ST8SIA4: variants seen among roughly 807,000 people sequenced by gnomAD.
The protein encoded by ST8SIA4 is CMP-N-acetylneuraminate-poly-alpha-2,8-sialyltransferase.
Under a neutral mutation model 33.9 loss-of-function variants are expected in ST8SIA4, and 15 were observed. The observed-to-expected ratio is 0.44, with a 90% CI of 0.30 to 0.68. The LOEUF is 0.68. ST8SIA4 is among the 30% of genes least tolerant of loss of function. The pLI, the probability that ST8SIA4 is intolerant of heterozygous loss-of-function variation, is 0.10. For synonymous variants in ST8SIA4, 171 were observed against 151.2 expected, an observed-to-expected ratio of 1.13 and a Z score of -0.96; for missense variants, 321 against 428.0, an observed-to-expected ratio of 0.75 and a Z score of 2.21.
intron 3 of ST8SIA4, among the ~76,000 whole-genome samples, chr5:100,883,458 G>A (rs1752472177): frequency 6.6e-6 from 1 of 152,128 alleles, no homozygotes; most frequent in South Asian, 2.1e-4. Flanking sequence ...ACGGAACTTT[G>A]AACTGTGGAC....
chr5:100,816,496 C>T (rs746756260), intron 4 of ST8SIA4: 2 of 526,122 alleles, frequency 3.8e-6, no homozygotes, highest in Non-Finnish European at 7.8e-6. Flanking sequence ...TACATTGGTG[C>T]AAAAGTAACT....
chr5:100,881,056 T>C (rs753117589), intron 3 of ST8SIA4, among the ~76,000 whole-genome samples: 81 of 152,236 alleles, frequency 5.3e-4, no homozygotes, highest in Non-Finnish European at 7.6e-4. Context: ...TTCTCCACTC[T>C]AAAATTTCTG....
rs79941039 is a variant in ST8SIA4 at position 100,900,303 on chromosome 5, T to C, written c.113+2540A>G. 1,404 of 411,638 alleles carry C rather than the reference T, an allele frequency of 3.4e-3. 10 individuals carry two copies. Among genetic ancestry groups the C allele is most frequent in the African/African-American group, 0.017 (823 of 48,964 alleles). The allele number at this position is 411,638 out of a possible 1,614,324, so 25.5% of individuals were successfully genotyped here. A position where few individuals can be genotyped will look rare whatever the true frequency, so the allele number is the denominator to read the frequency against. On this transcript the variant is annotated intron_variant, in intron 1 of 4. Transcript: ENST00000231461. ...GCAGTGCCCCCCAAAGGCCAGAGAC[T>C]GCCTTGGTTACCTCACTTGAATACT...
chr5:100,848,359 A>G (rs972696949), intron 4 of ST8SIA4, among the ~76,000 whole-genome samples: 1 of 150,588 alleles, frequency 6.6e-6, no homozygotes, highest in Non-Finnish European at 1.5e-5. Flanking sequence ...ATACTATTAC[A>G]TATTATATAA....
intron 4 of ST8SIA4, among the ~76,000 whole-genome samples, chr5:100,825,060 A>T (rs1751112743): frequency 6.6e-6 from 1 of 152,102 alleles, no homozygotes; most frequent in South Asian, 2.1e-4. Flanking sequence ...GACTATCTCT[A>T]AAAAAGTAAT....
intron 4 of ST8SIA4, among the ~76,000 whole-genome samples, chr5:100,838,543 A>C (rs1413969013): frequency 1.3e-5 from 2 of 151,994 alleles, no homozygotes. Context: ...CAGAAGTAAT[A>C]TGTAAATTAT....
At chr5:100,836,676 C>G (rs575368091) in intron 4 of ST8SIA4, among the ~76,000 whole-genome samples, 17 of 152,118 alleles carry the variant, frequency 1.1e-4, no homozygotes, top group African/African-American at 4.1e-4. Flanking sequence ...TCATAACTCC[C>G]AGGTGGACAA....
intron 3 of ST8SIA4, among the ~76,000 whole-genome samples, chr5:100,859,982 A>G (rs964906372): frequency 6.6e-6 from 1 of 152,148 alleles, no homozygotes; most frequent in African/African-American, 2.4e-5. Flanking sequence ...CAATGACATA[A>G]TCTATCCAAT....
At chr5:100,836,400 T>G (rs1014697048) in intron 4 of ST8SIA4, among the ~76,000 whole-genome samples, 1 of 152,002 alleles carries the variant, frequency 6.6e-6, no homozygotes, top group African/African-American at 2.4e-5. Context: ...GTATTACTAT[T>G]AATTTGGCCA....
intron 4 of ST8SIA4, among the ~76,000 whole-genome samples, chr5:100,829,243 C>G (rs1355243671): frequency 6.6e-6 from 1 of 152,172 alleles, no homozygotes; most frequent in East Asian, 1.9e-4. Flanking sequence ...TTCCCCAGCA[C>G]TGTCTCTCTC....
chr5:100,869,525 T>A (rs1002387927), intron 3 of ST8SIA4, among the ~76,000 whole-genome samples: 2 of 152,176 alleles, frequency 1.3e-5, no homozygotes, highest in Admixed American at 6.5e-5. Context: ...TCTTCCTCAC[T>A]TAGGGTGCCT....
intron 3 of ST8SIA4, among the ~76,000 whole-genome samples, chr5:100,870,341 A>T (rs1752172216): frequency 6.6e-6 from 1 of 152,142 alleles, no homozygotes; most frequent in African/African-American, 2.4e-5. Context: ...TACTGGTCCC[A>T]TTGCTTCAGA....
chr5:100,810,139 A>G lies in ST8SIA4; in HGVS notation c.*1708T>C, dbSNP rs1160433049. 8 of 152,226 alleles carry G rather than the reference A, an allele frequency of 5.3e-5. 1 individual carries two copies. The East Asian group carries it at 1.5e-3, about 29-fold the overall frequency. 9.4% of individuals were successfully genotyped at this position (152,226 alleles called of 1,614,324 possible). A position where few individuals can be genotyped will look rare whatever the true frequency, so the allele number is the denominator to read the frequency against. On this transcript the variant is annotated 3_prime_UTR_variant, in exon 5 of 5. Coordinates refer to ENST00000231461, the MANE Select transcript of ST8SIA4 (RefSeq NM_005668.6). ...CTTCTGCCCAGTTTCTAAAGAAACA[A>G]TCTACTATCATAAGTTACCAGAAAA...
intron 4 of ST8SIA4, among the ~76,000 whole-genome samples, chr5:100,826,956 GTA>G (rs1389265251): frequency 2.3e-5 from 3 of 132,724 alleles, no homozygotes; most frequent in African/African-American, 5.4e-5. Flanking sequence ...ATATGTGTGT[GTA>G]TATACACACA....
At position 100,811,724 on chromosome 5, in the gene ST8SIA4, T is replaced by C. The variant is rs1750820315; in HGVS notation, c.*123A>G. ...GCTGGTAGTCGATTTCTCATGAACG[T>C]CCTTTATTCACCTTTCAGTTCATTG... is the stretch of plus-strand genomic sequence containing the variant. On this transcript the variant is annotated 3_prime_UTR_variant, in exon 5 of 5. Transcript: ENST00000231461. 2.1e-6 allele frequency: 2 copies of C among 958,100 alleles called. No homozygotes were observed. Among genetic ancestry groups the C allele is most frequent in the African/African-American group, 1.7e-5 (1 of 60,520 alleles). The allele number at this position is 958,100 out of a possible 1,614,324, so 59.3% of individuals were successfully genotyped here. A position where few individuals can be genotyped will look rare whatever the true frequency, so the allele number is the denominator to read the frequency against.
intron 4 of ST8SIA4, among the ~76,000 whole-genome samples, chr5:100,848,500 ACT>A (rs1751614914): frequency 6.7e-6 from 1 of 150,178 alleles, no homozygotes; most frequent in East Asian, 1.9e-4. Flanking sequence ...GAGTATATAT[ACT>A]CTGTATAGTA....
At chr5:100,851,526 T>A (rs1194013411) in intron 4 of ST8SIA4, among the ~76,000 whole-genome samples, 1 of 152,126 alleles carries the variant, frequency 6.6e-6, no homozygotes, top group African/African-American at 2.4e-5. Context: ...GCTGTATTTA[T>A]GTGTTGTTGA....
At chr5:100,836,884 G>C (rs1751374053) in intron 4 of ST8SIA4, among the ~76,000 whole-genome samples, 1 of 151,822 alleles carries the variant, frequency 6.6e-6, no homozygotes, top group South Asian at 2.1e-4. Flanking sequence ...TAATACTTTG[G>C]AGACTTACTT....
At position 100,809,896 on chromosome 5, in the gene ST8SIA4, A is replaced by T. The variant is rs1358459323; in HGVS notation, c.*1951T>A. 2.6e-5 allele frequency: 4 copies of T among 152,132 alleles called. No homozygotes were observed. In the East Asian group the frequency reaches 7.7e-4, roughly 29 times the overall value. 9.4% of individuals were successfully genotyped at this position (152,132 alleles called of 1,614,324 possible). A position where few individuals can be genotyped will look rare whatever the true frequency, so the allele number is the denominator to read the frequency against. The stretch of plus-strand genomic sequence containing the variant: ...ATCCCAAGGTTTTACTATATTAAAA[A>T]AATATGACATCTAATTAAAAATATT... On this transcript the variant is annotated 3_prime_UTR_variant, in exon 5 of 5. Transcript: ENST00000231461.
Sources: gnomAD v4.1 joint callset for allele counts (sites outside exome capture counted in the v4.1 genomes callset) on GRCh38, gnomAD v4.1.1 for gene constraint, MANE v1.5 for transcripts, NCBI Gene and HGNC (gene_info 2026-07-23, HGNC 2026-07-21) for gene names.